The following CACNG7 variants were observed in gnomAD, a reference collection of about 807,000 sequenced individuals.
CACNG7 encodes the protein calcium voltage-gated channel auxiliary subunit gamma 7, also known as voltage-dependent calcium channel gamma-7 subunit.
A neutral mutation model predicts 26.3 loss-of-function variants in CACNG7; 9 were observed. The observed-to-expected ratio is 0.34, with a 90% CI of 0.21 to 0.60. The LOEUF (loss-of-function observed/expected upper bound fraction) is 0.60, where lower values mean the gene tolerates loss of function less well. CACNG7 is among the 20% of genes least tolerant of loss of function. The pLI, the probability that CACNG7 is intolerant of heterozygous loss-of-function variation, is 0.81. For synonymous variants in CACNG7, 170 were observed against 157.0 expected (o/e 1.08, Z -0.62); for missense variants, 297 against 380.4 (o/e 0.78, Z 1.82).
At chr19:53,938,687 C>T (rs2069119931) in intron 4 of CACNG7, among the ~76,000 whole-genome samples, 1 of 152,126 alleles carries the variant, frequency 6.6e-6, no homozygotes, top group Admixed American at 6.5e-5. Context: ...GTGGCTCACG[C>T]CTGTAATCCC....
At chr19:53,920,920 T>TCTGGTCATGGGTGGACTTGCCCCAGG (rs2068942265) in intron 4 of CACNG7, among the ~76,000 whole-genome samples, 1 of 102,174 alleles carries the variant, frequency 9.8e-6, no homozygotes, top group Non-Finnish European at 2.0e-5. Context: ...TGTCCCCAGG[T>TCTGGTCATGGGTGGACTTGCCCCAGG]CTGGTCATTG....
At chr19:53,921,555 C>T (rs953492891) in intron 4 of CACNG7, among the ~76,000 whole-genome samples, 2 of 140,746 alleles carry the variant, frequency 1.4e-5, no homozygotes, top group Admixed American at 6.8e-5. Flanking sequence ...TGGAGTTGCC[C>T]CAGGCTGGTC....
In CACNG7 at chr19:53,928,877, G is replaced by A. The variant is rs181376882; in HGVS notation, c.425-12593G>A. Among the ~76,000 whole-genome samples the A allele has an allele frequency of 2.3e-3, 356 of 152,108 alleles. 1 individual carries two copies. The highest frequency in any genetic ancestry group is 7.9e-3 in the African/African-American group (330 of 41,518). On this transcript the variant is annotated intron_variant, in intron 4 of 5. Transcript: ENST00000391767. ...TGTAATCCCAGCACTTTGGGAGGCT[G>A]AGGTTGGCGGATCACGAAGTCAGGG...
intron 4 of CACNG7, among the ~76,000 whole-genome samples, chr19:53,931,756 T>G: frequency 7.1e-6 from 1 of 140,084 alleles, no homozygotes; most frequent in Non-Finnish European, 1.5e-5. Flanking sequence ...TTAACAACGC[T>G]GACTTTTTTT....
At chr19:53,929,736 C>T (rs2069058772) in intron 4 of CACNG7, among the ~76,000 whole-genome samples, 1 of 152,118 alleles carries the variant, frequency 6.6e-6, no homozygotes, top group Non-Finnish European at 1.5e-5. Flanking sequence ...AACCACCACG[C>T]CCAGCCTATA....
intron 4 of CACNG7, among the ~76,000 whole-genome samples, chr19:53,920,675 C>A (rs2068938571): frequency 8.5e-6 from 1 of 117,894 alleles, no homozygotes; most frequent in Admixed American, 7.6e-5. Flanking sequence ...GGAGTTGCCC[C>A]AGGTCTGGTC....
chr19:53,928,037 G>A (rs534587384), intron 4 of CACNG7, among the ~76,000 whole-genome samples: 21 of 146,606 alleles, frequency 1.4e-4, no homozygotes, highest in Non-Finnish European at 2.8e-4. Flanking sequence ...GAGAGTAAGA[G>A]AGTTGGATTG....
chr19:53,938,979 G>A lies in CACNG7; in HGVS notation c.425-2491G>A, dbSNP rs142750418. On this transcript the variant is annotated intron_variant, in intron 4 of 5. Coordinates refer to ENST00000391767, the MANE Select transcript of CACNG7 (RefSeq NM_031896.5). ...AAAACAAAACAAAACAAAAAAGGCCGGGTGTGGTGGCTCACACCTGTAATC... is the reference window on the plus strand; with the variant it reads ...AAAACAAAACAAAACAAAAAAGGCCAGGTGTGGTGGCTCACACCTGTAATC... Among the ~76,000 whole-genome samples, 12 of 147,976 alleles carry A rather than the reference G, an allele frequency of 8.1e-5. No homozygotes were observed. The East Asian group carries it at 2.5e-3, about 30-fold the overall frequency.
chr19:53,925,336 G>T (rs538762366), intron 4 of CACNG7, among the ~76,000 whole-genome samples: 1 of 150,112 alleles, frequency 6.7e-6, no homozygotes, highest in Non-Finnish European at 1.5e-5. Context: ...CCTGGTCATT[G>T]GTGGAGTTGC....
intron 4 of CACNG7, among the ~76,000 whole-genome samples, chr19:53,919,271 T>A (rs2068919098): frequency 6.6e-6 from 1 of 152,242 alleles, no homozygotes; most frequent in Non-Finnish European, 1.5e-5. Flanking sequence ...CTGCCTCCTG[T>A]TCGCAATGAG....
At chr19:53,917,623 G>C (rs2068907030) in intron 4 of CACNG7, among the ~76,000 whole-genome samples, 1 of 152,180 alleles carries the variant, frequency 6.6e-6, no homozygotes, top group African/African-American at 2.4e-5. Flanking sequence ...CAGACACTGA[G>C]CTAAAATAAG....
intron 4 of CACNG7, among the ~76,000 whole-genome samples, chr19:53,925,450 G>A (rs1447875122): frequency 7.5e-6 from 1 of 133,098 alleles, no homozygotes; most frequent in Non-Finnish European, 1.6e-5. Flanking sequence ...TGGTGGACTT[G>A]CCACAGGTAT....
chr19:53,927,853 A>AT (rs1302052284), intron 4 of CACNG7, among the ~76,000 whole-genome samples: 3 of 144,540 alleles, frequency 2.1e-5, no homozygotes, highest in Admixed American at 2.0e-4. Flanking sequence ...AAAAAAAAAA[A>AT]GGAAAGAAAA....
chr19:53,913,804 A>AG (rs1395046822), intron 2 of CACNG7, among the ~76,000 whole-genome samples: 40 of 151,436 alleles, frequency 2.6e-4, no homozygotes, highest in African/African-American at 9.4e-4. Context: ...AAAAAAAAAA[A>AG]AAAAGAAAAT....
Position 53,914,423 on chromosome 19 carries a change from C to CCT in CACNG7, c.197-77_197-76insCT, listed in dbSNP as rs2068881735. The CCT allele has an allele frequency of 7.3e-6, 9 of 1,237,786 alleles. 1 individual carries two copies. In the African/African-American group the frequency reaches 8.9e-5, roughly 12 times the overall value. 76.7% of individuals were successfully genotyped at this position (1,237,786 alleles called of 1,614,324 possible). ...CCCCATCCTGGGGTCTCCCCTCTAT[C>CCT]TGTCCTGCCCCCACCCCCAGCCTCT... is the stretch of plus-strand genomic sequence containing the variant. On this transcript the variant is annotated intron_variant, in intron 2 of 5. Transcript: ENST00000391767.
rs1288682763 is a variant in CACNG7, at chr19:53,919,355, T to C, written c.424+3850T>C. Among the ~76,000 whole-genome samples the C allele has an allele frequency of 6.0e-5, 9 of 151,224 alleles. No individual in the cohort carries two copies. In the South Asian group the frequency reaches 1.7e-3, roughly 28 times the overall value. On this transcript the variant is annotated intron_variant, in intron 4 of 5. Transcript: ENST00000391767. ...CATTGGTGGAGTTGCCCAGGTCTGGTCATTGGTGGAGTTGTCCCAGGTCTG... is the reference window on the plus strand; with the variant it reads ...CATTGGTGGAGTTGCCCAGGTCTGGCCATTGGTGGAGTTGTCCCAGGTCTG...
chr19:53,925,482 A>AGGCTGGTCATTGGTGGACTTGCCCCAG (rs2069021205), intron 4 of CACNG7, among the ~76,000 whole-genome samples: 1 of 127,152 alleles, frequency 7.9e-6, no homozygotes. Context: ...GAGTTGCCCC[A>AGGCTGGTCATTGGTGGACTTGCCCCAG]GGCTGGTCAT....
intron 4 of CACNG7, among the ~76,000 whole-genome samples, chr19:53,924,586 C>G (rs577715209): frequency 1.5e-5 from 2 of 129,166 alleles, no homozygotes; most frequent in South Asian, 5.2e-4. Context: ...TTGCCCCAGG[C>G]TGGTCATTGG....
chr19:53,912,760 G>C lies in CACNG7; in HGVS notation c.-29-43G>C. ...GTTGCTGCATGGGGTCAAGCACTCT[G>C]GTCGGTCCCATGGAGCTCTGCACTG... On this transcript the variant is annotated intron_variant, in intron 1 of 5. Transcript: ENST00000391767. This position sits in a 1 kb window ranked among gnomAD's most constrained non-coding sequence, Gnocchi z 4.6. 1 of 1,518,218 alleles carries C rather than the reference G, an allele frequency of 6.6e-7. No individual in the cohort carries two copies. Among genetic ancestry groups the C allele is most frequent in the Non-Finnish European group, 9.0e-7 (1 of 1,107,310 alleles). The allele number at this position is 1,518,218 out of a possible 1,614,324, so 94.0% of individuals were successfully genotyped here. A position where few individuals can be genotyped will look rare whatever the true frequency, so the allele number is the denominator to read the frequency against.
Sources: allele counts gnomAD v4.1 joint callset (sites outside exome capture counted in the v4.1 genomes callset), GRCh38; gene constraint gnomAD v4.1.1; non-coding constraint Gnocchi (gnomAD v3.1); transcripts MANE v1.5; gene names NCBI Gene and HGNC (gene_info 2026-07-23, HGNC 2026-07-21).